HMCN1: variants seen among roughly 807,000 people sequenced by gnomAD.
HMCN1 encodes hemicentin 1.
HMCN1 carries 321 observed loss-of-function variants against 625.9 expected under a neutral mutation model. That is an observed-to-expected ratio of 0.51 (90% confidence interval 0.47 to 0.56). The LOEUF is 0.56. HMCN1 is among the 20% of genes least tolerant of loss of function. The pLI is 0.00. For synonymous variants in HMCN1, 2,425 were observed against 2,417.6 expected, an observed-to-expected ratio of 1.00 and a Z score of -0.09; for missense variants, 6,588 against 6,887.3, an observed-to-expected ratio of 0.96 and a Z score of 1.54.
intron 4 of HMCN1, among the ~76,000 whole-genome samples, chr1:185,884,488 C>A (rs540600848): frequency 1.2e-3 from 184 of 152,102 alleles, no homozygotes; most frequent in African/African-American, 4.2e-3. Context: ...TATTTCCAGG[C>A]TGGAAATTGC....
intron 1 of HMCN1, among the ~76,000 whole-genome samples, chr1:185,761,367 C>T (rs1303599972): frequency 6.6e-6 from 1 of 152,070 alleles, no homozygotes; most frequent in African/African-American, 2.4e-5. Flanking sequence ...TATTAATAGT[C>T]AAATATCTGT....
intron 77 of HMCN1, among the ~76,000 whole-genome samples, chr1:186,118,361 T>A (rs1013583759): frequency 2.0e-5 from 3 of 152,196 alleles, no homozygotes; most frequent in Non-Finnish European, 4.4e-5. Flanking sequence ...GTTCCCAGGA[T>A]GCAACTTGGC....
chr1:186,121,195 C>CAA (rs751545942), intron 80 of HMCN1, among the ~76,000 whole-genome samples: 2 of 152,086 alleles, frequency 1.3e-5, no homozygotes, highest in Non-Finnish European at 2.9e-5. Context: ...AAGCAAAACA[C>CAA]AAGGGAGATC....
Position 186,137,844 on chromosome 1 carries a change from C to T in HMCN1, c.13796C>T (p.Thr4599Ile). The T allele has an allele frequency of 1.2e-6, 2 of 1,613,998 alleles. No individual in the cohort carries two copies. Among genetic ancestry groups the T allele is most frequent in the Non-Finnish European group, 1.7e-6 (2 of 1,179,972 alleles). Reference protein sequence around the residue: ...WSEWSLWEECTRSCGRGNQTR... With the variant: ...WSEWSLWEECIRSCGRGNQTR... ...GAATGGAGTCTTTGGGAAGAATGCA[C>T]AAGGAGCTGTGGACGCGGCAACCAA... Residue 4599 changes from threonine (T) to isoleucine (I), a missense_variant, in exon 89 of 107, where the codon ACA (threonine) becomes ATA (isoleucine). Thr to Ile is a moderately conservative substitution (Grantham distance 89). Transcript: ENST00000271588.
At chr1:185,777,257 C>T (rs368527794) in intron 1 of HMCN1, among the ~76,000 whole-genome samples, 2 of 152,196 alleles carry the variant, frequency 1.3e-5, no homozygotes, top group East Asian at 3.9e-4. Flanking sequence ...TTCCCCTGTT[C>T]GAAGGCATCA....
At chr1:185,942,055 G>T (rs752975782) in intron 11 of HMCN1, among the ~76,000 whole-genome samples, 3 of 151,880 alleles carry the variant, frequency 2.0e-5, no homozygotes, top group Non-Finnish European at 4.4e-5. Context: ...GCCAGGCGTG[G>T]TGGCACATGC....
chr1:186,087,880 T>C lies in HMCN1; in HGVS notation c.9364-52T>C, dbSNP rs1326621150. 4 of 1,479,700 alleles carry C rather than the reference T, an allele frequency of 2.7e-6. No homozygotes were observed. In the Admixed American group the frequency reaches 5.0e-5, roughly 19 times the overall value. 91.7% of individuals were successfully genotyped at this position (1,479,700 alleles called of 1,614,324 possible). Reference sequence around the variant, plus strand: ...TTTAATCTAAACTCGAACAGTATGATTGGTCATCTATAACTTAATGGAGCA... The same window carrying C: ...TTTAATCTAAACTCGAACAGTATGACTGGTCATCTATAACTTAATGGAGCA... On this transcript the variant is annotated intron_variant, in intron 60 of 106. Coordinates refer to ENST00000271588, the MANE Select transcript of HMCN1 (RefSeq NM_031935.3).
At chr1:186,162,090 C>A (rs1046326999) in intron 97 of HMCN1, among the ~76,000 whole-genome samples, 1 of 152,126 alleles carries the variant, frequency 6.6e-6, no homozygotes, top group African/African-American at 2.4e-5. Context: ...ACACGTAGTC[C>A]CATATTTCTT....
chr1:185,903,810 C>T (rs1043819771), intron 4 of HMCN1, among the ~76,000 whole-genome samples: 11 of 151,738 alleles, frequency 7.2e-5, no homozygotes, highest in Admixed American at 7.2e-4. Flanking sequence ...TGAATGCCAG[C>T]TCATTCATCT....
chr1:185,790,441 T>C (rs1181042628), intron 1 of HMCN1, among the ~76,000 whole-genome samples: 1 of 152,196 alleles, frequency 6.6e-6, no homozygotes, highest in African/African-American at 2.4e-5. Flanking sequence ...ATATCACTGC[T>C]TTATCCTGAC....
At chr1:185,882,545 G>A (rs1393590290) in intron 4 of HMCN1, among the ~76,000 whole-genome samples, 3 of 151,608 alleles carry the variant, frequency 2.0e-5, no homozygotes, top group Non-Finnish European at 4.4e-5. Flanking sequence ...ACATTGATAT[G>A]GGTAGTTGCC....
Position 186,190,767 on chromosome 1 carries a change from C to T in HMCN1, c.*889C>T, listed in dbSNP as rs1397622988. 1 of 196,020 alleles carries T rather than the reference C, an allele frequency of 5.1e-6. No individual in the cohort carries two copies. Among genetic ancestry groups the T allele is most frequent in the Non-Finnish European group, 1.1e-5 (1 of 94,262 alleles). 12.1% of individuals were successfully genotyped at this position (196,020 alleles called of 1,614,324 possible). On this transcript the variant is annotated 3_prime_UTR_variant, in exon 107 of 107. Coordinates refer to ENST00000271588, the MANE Select transcript of HMCN1 (RefSeq NM_031935.3). The stretch of plus-strand genomic sequence containing the variant: ...AAATATTACACGTCAATACACTGTA[C>T]ATGGTGGTAATAGACTCTAAGCAAT...
intron 4 of HMCN1, among the ~76,000 whole-genome samples, chr1:185,876,421 A>T (rs755237632): frequency 1.3e-5 from 2 of 152,016 alleles, no homozygotes; most frequent in Non-Finnish European, 2.9e-5. Context: ...CTTTGGGTAG[A>T]TATCCAGTAG....
intron 40 of HMCN1, among the ~76,000 whole-genome samples, chr1:186,044,704 G>A (rs1462095385): frequency 6.6e-6 from 1 of 151,982 alleles, no homozygotes; most frequent in Non-Finnish European, 1.5e-5. Context: ...ATAGTGATGG[G>A]GTTTCATGAA....
rs1185102259 is a variant in HMCN1, at chr1:186,063,096, A to ATATATATATC, written c.7513+503_7513+504insATCTATATAT. On this transcript the variant is annotated intron_variant, in intron 48 of 106. Transcript: ENST00000271588. ...TATATATATATATATATATATATAT[A>ATATATATATC]TATATATCACATTTTCATTACCCAA... 5.2e-5 allele frequency among the ~76,000 whole-genome samples: 6 copies of ATATATATATC among 115,422 alleles called. No individual in the cohort carries two copies. The Admixed American group carries it at 5.3e-4, about 10-fold the overall frequency. 75.7% of individuals were successfully genotyped at this position (115,422 alleles called of 152,430 possible).
In HMCN1 at chr1:186,087,232, A is replaced by G; in HGVS notation, c.9062A>G (p.Gln3021Arg). The change falls in exon 59 of 107, where the codon CAG becomes CGG. Residue 3021 changes from glutamine (Q) to arginine (R), a missense_variant. Physicochemically the swap from Gln to Arg is conservative, Grantham distance 43. This residue lies in a region of HMCN1 where 4,628 missense variants were observed against 4,853.1 expected (regional missense o/e 0.95). Coordinates refer to ENST00000271588, the MANE Select transcript of HMCN1 (RefSeq NM_031935.3). ...TTACCTACAGGTGGTCGAACTCTACAGATTATTCGGGCCAAGGTATCAGAT... is the reference window on the plus strand; with the variant it reads ...TTACCTACAGGTGGTCGAACTCTACGGATTATTCGGGCCAAGGTATCAGAT... ...TLIVPGGRTL[Q>R]IIRAKVSDGG... 1 of 1,611,866 alleles carries G rather than the reference A, an allele frequency of 6.2e-7. No individual in the cohort carries two copies. The highest frequency in any genetic ancestry group is 8.5e-7 in the Non-Finnish European group (1 of 1,178,234).
intron 20 of HMCN1, among the ~76,000 whole-genome samples, chr1:185,988,914 T>C (rs1209571394): frequency 6.6e-6 from 1 of 152,152 alleles, no homozygotes; most frequent in East Asian, 1.9e-4. Flanking sequence ...GCATTCACTG[T>C]ACCATCCTTA....
chr1:185,794,343 T>TTATA (rs61058896), intron 1 of HMCN1, among the ~76,000 whole-genome samples: 3,515 of 147,686 alleles, frequency 0.024, 136 homozygotes, highest in African/African-American at 0.079. Flanking sequence ...AGAGGATAGA[T>TTATA]TATATATATA....
At chr1:185,970,560 C>A in intron 15 of HMCN1, 67 bp downstream of exon 15, 1 of 1,346,570 alleles carries the variant, frequency 7.4e-7, no homozygotes, top group Non-Finnish European at 1.1e-6. Flanking sequence ...TGTTTAATAA[C>A]CTTGAAATGG....
Sources: allele counts gnomAD v4.1 joint callset (sites outside exome capture counted in the v4.1 genomes callset), GRCh38; gene constraint gnomAD v4.1.1; regional missense constraint gnomAD v4.1.1; transcripts MANE v1.5; gene names NCBI Gene and HGNC (gene_info 2026-07-23, HGNC 2026-07-21).